The following PCDHGB1 variants were observed in gnomAD, a reference collection of about 807,000 sequenced individuals.
PCDHGB1 encodes the protein protocadherin gamma subfamily B, 1.
A neutral mutation model predicts 56.6 loss-of-function variants in PCDHGB1; 34 were observed. The observed-to-expected ratio is 0.60, with a 90% CI of 0.46 to 0.80. The LOEUF (loss-of-function observed/expected upper bound fraction) is 0.80, where lower values mean the gene tolerates loss of function less well. PCDHGB1 is among the 30% of genes least tolerant of loss of function. PCDHGB1 has a pLI of 0.00. For synonymous variants in PCDHGB1, 561 were observed against 505.9 expected (o/e 1.11, Z -1.46); for missense variants, 1,278 against 1,204.6 (o/e 1.06, Z -0.90).
intron 1 of PCDHGB1, chr5:141,407,909 G>T: frequency 4.7e-6 from 2 of 425,700 alleles, no homozygotes; most frequent in Non-Finnish European, 8.3e-6. Context: ...TGAAAAACCG[G>T]GCTGCTGTCC....
At chr5:141,408,834 T>G in intron 1 of PCDHGB1, 1 of 1,613,696 alleles carries the variant, frequency 6.2e-7, no homozygotes, top group Non-Finnish European at 8.5e-7. Context: ...CATAGCTTGA[T>G]ATTGACTGCC....
Position 141,487,082 on chromosome 5 carries a change from G to A in PCDHGB1, c.2410-7725G>A, listed in dbSNP as rs2099639361. On this transcript the variant is annotated intron_variant, in intron 1 of 3. Transcript: ENST00000523390. The surrounding 1 kb of genome is among the most constrained non-coding windows in gnomAD (Gnocchi z 5.0). Reference sequence around the variant, plus strand: ...GCGGACGGCTGTTCCTATCCCAGCTGACCTCCCACCACAGAAGCTGGTCAT... The same window carrying A: ...GCGGACGGCTGTTCCTATCCCAGCTAACCTCCCACCACAGAAGCTGGTCAT... The A allele has an allele frequency of 8.1e-6, 13 of 1,614,056 alleles. No individual in the cohort carries two copies. The highest frequency in any genetic ancestry group is 1.1e-5 in the Non-Finnish European group (13 of 1,179,938).
chr5:141,496,077 C>G (rs1269618753), intron 2 of PCDHGB1, among the ~76,000 whole-genome samples: 1 of 152,042 alleles, frequency 6.6e-6, no homozygotes, highest in African/African-American at 2.4e-5. Flanking sequence ...CACACACAAC[C>G]CCCCACCCAC....
intron 1 of PCDHGB1, chr5:141,365,543 T>C: frequency 6.2e-7 from 1 of 1,613,830 alleles, no homozygotes. Context: ...CTATCACCTA[T>C]TAACAACTAG....
chr5:141,430,915 G>T, intron 1 of PCDHGB1: 1 of 1,607,738 alleles, frequency 6.2e-7, no homozygotes, highest in East Asian at 2.2e-5. Flanking sequence ...CCAGGGACCT[G>T]GGGCTGGAGC....
At position 141,366,149 on chromosome 5, in the gene PCDHGB1, C is replaced by A; in HGVS notation, c.2409+13480C>A. On this transcript the variant is annotated intron_variant, in intron 1 of 3. Coordinates refer to ENST00000523390, the MANE Select transcript of PCDHGB1 (RefSeq NM_018922.3). ...AGGCCAGAACGCCTGGCTGTCCTAC[C>A]GCCTGCTTAAGGCCAGCGAGCCAGG... is the stretch of plus-strand genomic sequence containing the variant. The A allele has an allele frequency of 4.3e-6, 7 of 1,614,160 alleles. No individual in the cohort carries two copies. Among genetic ancestry groups the A allele is most frequent in the Non-Finnish European group, 5.9e-6 (7 of 1,180,048 alleles).
Position 141,491,795 on chromosome 5 carries a change from C to T in PCDHGB1, c.2410-3012C>T. On this transcript the variant is annotated intron_variant, in intron 1 of 3. Coordinates refer to ENST00000523390, the MANE Select transcript of PCDHGB1 (RefSeq NM_018922.3). This position sits in a 1 kb window ranked among gnomAD's most constrained non-coding sequence, Gnocchi z 6.9. ...GGATTGAACTTGCATCCACTCCTCT[C>T]CGGCCGGCTTGGTCGCTGGCTGCGC... 6 of 1,511,694 alleles carry T rather than the reference C, an allele frequency of 4.0e-6. No individual in the cohort carries two copies. Among genetic ancestry groups the T allele is most frequent in the Non-Finnish European group, 5.3e-6 (6 of 1,130,430 alleles). 93.6% of individuals were successfully genotyped at this position (1,511,694 alleles called of 1,614,324 possible).
At chr5:141,373,974 C>G in intron 1 of PCDHGB1, 2 of 1,051,508 alleles carry the variant, frequency 1.9e-6, no homozygotes, top group Non-Finnish European at 2.6e-6. Flanking sequence ...CGCTTCGCAT[C>G]CGGTCTCTGC....
At position 141,511,246 on chromosome 5, in the gene PCDHGB1, G is replaced by A; in HGVS notation, c.*73G>A. 2 of 1,578,734 alleles carry A rather than the reference G, an allele frequency of 1.3e-6. No homozygotes were observed. Among genetic ancestry groups the A allele is most frequent in the Non-Finnish European group, 1.7e-6 (2 of 1,162,472 alleles). On this transcript the variant is annotated 3_prime_UTR_variant, in exon 4 of 4. Coordinates refer to ENST00000523390, the MANE Select transcript of PCDHGB1 (RefSeq NM_018922.3). The stretch of plus-strand genomic sequence containing the variant: ...CCAGCTTCTCCTTACCTGCACCCAG[G>A]CCTCAGAGTTTCAGGGCTAACCCCC...
At chr5:141,404,224 AAC>A (rs1416261372) in intron 1 of PCDHGB1, 1 of 1,613,704 alleles carries the variant, frequency 6.2e-7, no homozygotes, top group Non-Finnish European at 8.5e-7. Flanking sequence ...CGGTGACTGC[AAC>A]AGACAGAGGA....
intron 1 of PCDHGB1, chr5:141,395,106 A>G: frequency 3.1e-6 from 5 of 1,614,150 alleles, no homozygotes; most frequent in Admixed American, 3.3e-5. Flanking sequence ...CGACTCGCGG[A>G]AGAGTCACCT....
intron 1 of PCDHGB1, chr5:141,415,744 T>TTTG (rs2095926305): frequency 2.5e-6 from 1 of 404,416 alleles, no homozygotes; most frequent in South Asian, 6.6e-5. Context: ...ATTAAGGTTT[T>TTTG]TTTTTTTTTT....
intron 1 of PCDHGB1, chr5:141,423,769 CATAT>C (rs2096780943): frequency 8.2e-7 from 1 of 1,219,458 alleles, no homozygotes; most frequent in South Asian, 2.2e-5. Context: ...GGTGGGGCGG[CATAT>C]ATTTAGTTCA....
At chr5:141,366,663 C>A in intron 1 of PCDHGB1, 2 of 1,614,242 alleles carry the variant, frequency 1.2e-6, no homozygotes, top group East Asian at 2.2e-5. Context: ...TACGCAGACA[C>A]GCTCCTTAGT....
chr5:141,438,623 TATATATATATATACAC>T (rs1207200307), intron 1 of PCDHGB1, among the ~76,000 whole-genome samples: 21 of 42,842 alleles, frequency 4.9e-4, no homozygotes, highest in South Asian at 2.6e-3. Flanking sequence ...TATATATATA[TATATATATATATACAC>T]ACACACACAC....
chr5:141,353,391 T>C (rs972720357), intron 1 of PCDHGB1, among the ~76,000 whole-genome samples: 7 of 152,358 alleles, frequency 4.6e-5, no homozygotes, highest in African/African-American at 1.4e-4. Context: ...TGTAATTATG[T>C]AATTAATGTA....
chr5:141,491,932 G>A lies in PCDHGB1; in HGVS notation c.2410-2875G>A. Reference sequence around the variant, plus strand: ...GGCGACTGTGGGCGAGGGGAGGTGGGACCGACCCCCACCCCTACACTCAAA... The same window carrying A: ...GGCGACTGTGGGCGAGGGGAGGTGGAACCGACCCCCACCCCTACACTCAAA... On this transcript the variant is annotated intron_variant, in intron 1 of 3. Transcript: ENST00000523390. This position sits in a 1 kb window ranked among gnomAD's most constrained non-coding sequence, Gnocchi z 6.9. 1 of 1,259,014 alleles carries A rather than the reference G, an allele frequency of 7.9e-7. No homozygotes were observed. The highest frequency in any genetic ancestry group is 1.1e-6 in the Non-Finnish European group (1 of 926,048). The allele number at this position is 1,259,014 out of a possible 1,614,324, so 78.0% of individuals were successfully genotyped here. A position where few individuals can be genotyped will look rare whatever the true frequency, so the allele number is the denominator to read the frequency against.
Position 141,487,007 on chromosome 5 carries a change from G to A in PCDHGB1, c.2410-7800G>A, listed in dbSNP as rs563548715. The A allele has an allele frequency of 3.1e-6, 5 of 1,614,206 alleles. No homozygotes were observed. In the South Asian group the frequency reaches 5.5e-5, roughly 18 times the overall value. ...TGCTTGGGTTTCCTATCAGCTCCTGGAGGCCCCAGATCCCAGCCTGTTTGC... is the reference window on the plus strand; with the variant it reads ...TGCTTGGGTTTCCTATCAGCTCCTGAAGGCCCCAGATCCCAGCCTGTTTGC... On this transcript the variant is annotated intron_variant, in intron 1 of 3. Transcript: ENST00000523390. This position sits in a 1 kb window ranked among gnomAD's most constrained non-coding sequence, Gnocchi z 5.0.
At chr5:141,503,479 G>A (rs1203644194) in intron 2 of PCDHGB1, among the ~76,000 whole-genome samples, 5 of 151,616 alleles carry the variant, frequency 3.3e-5, no homozygotes, top group African/African-American at 9.7e-5. Context: ...TGCACTTGTC[G>A]TCCCAGCTGC....
Sources: allele counts gnomAD v4.1 joint callset (sites outside exome capture counted in the v4.1 genomes callset), GRCh38; gene constraint gnomAD v4.1.1; non-coding constraint Gnocchi (gnomAD v3.1); transcripts MANE v1.5; gene names NCBI Gene and HGNC (gene_info 2026-07-23, HGNC 2026-07-21).